The following TTC3 variants were observed in gnomAD, a reference collection of about 807,000 sequenced individuals.
TTC3 encodes tetratricopeptide repeat domain 3.
TTC3 carries 180 observed loss-of-function variants against 249.6 expected under a neutral mutation model. That is an observed-to-expected ratio of 0.72 (90% CI 0.64 to 0.82). TTC3 has a LOEUF of 0.82. Ranked by LOEUF, TTC3 falls within the 40% of genes least tolerant of loss-of-function variation. The pLI, the probability that TTC3 is intolerant of heterozygous loss-of-function variation, is 0.00. For synonymous variants in TTC3, 717 were observed against 805.0 expected (o/e 0.89, Z 1.85); for missense variants, 2,061 against 2,398.4 (o/e 0.86, Z 2.94).
intron 11 of TTC3, among the ~76,000 whole-genome samples, chr21:37,115,204 G>T (rs1038395842): frequency 5.0e-4 from 35 of 70,248 alleles, no homozygotes; most frequent in Middle Eastern, 0.014. Flanking sequence ...TAATAATAAA[G>T]AAACTATTTC....
At chr21:37,161,008 A>G in intron 30 of TTC3, 150 bp downstream of exon 30, 1 of 702,408 alleles carries the variant, frequency 1.4e-6, no homozygotes. Flanking sequence ...GCAGTCTTCT[A>G]CATTTTGAAG....
rs150636284 is a variant in TTC3 at position 37,156,668 on chromosome 21, A to G, written c.2754A>G (p.Thr918=). Residue 918 remains threonine (T), a synonymous_variant, in exon 28 of 46, where the codon ACA becomes ACG. Transcript: ENST00000355666. Reference sequence around the variant, plus strand: ...TTTTTATTACAGGCTTAGATGCCACAGGAACTTTCTTTTCTCGTTATGGAG... The same window carrying G: ...TTTTTATTACAGGCTTAGATGCCACGGGAACTTTCTTTTCTCGTTATGGAG... 598 of 1,611,818 alleles carry G rather than the reference A, an allele frequency of 3.7e-4. 3 individuals carry two copies. The African/African-American group carries it at 5.7e-3, about 15-fold the overall frequency.
intron 44 of TTC3, among the ~76,000 whole-genome samples, chr21:37,199,822 C>T (rs1191022932): frequency 2.0e-5 from 3 of 152,060 alleles, no homozygotes; most frequent in East Asian, 1.9e-4. Flanking sequence ...TATGGGCTTC[C>T]GTCATGATTT....
At chr21:37,192,600 A>C (rs1243033862) in intron 41 of TTC3, among the ~76,000 whole-genome samples, 1 of 151,574 alleles carries the variant, frequency 6.6e-6, no homozygotes, top group South Asian at 2.1e-4. Context: ...TTGTGATTCA[A>C]GCAGGCCGCT....
chr21:37,117,059 A>G (rs200267109), intron 11 of TTC3, among the ~76,000 whole-genome samples: 3 of 130,752 alleles, frequency 2.3e-5, no homozygotes, highest in Admixed American at 7.7e-5. Context: ...TGAACTTTAT[A>G]TTATAAATAT....
intron 1 of TTC3, chr21:37,082,805 C>A: frequency 1.0e-6 from 1 of 975,508 alleles, no homozygotes; most frequent in South Asian, 4.7e-5. Flanking sequence ...GGATCAGAAG[C>A]TCTTTATTTT....
chr21:37,095,449 G>C lies in TTC3; in HGVS notation c.782+5G>C, dbSNP rs2073838967. The C allele has an allele frequency of 1.3e-6, 2 of 1,550,634 alleles. No homozygotes were observed. Among genetic ancestry groups the C allele is most frequent in the Admixed American group, 1.9e-5 (1 of 52,360 alleles). Reference sequence around the variant, plus strand: ...CACCAGAGCCATTGAATATAGGTAAGAGCAAATAGAACAAAAGAGATGCTT... The same window carrying C: ...CACCAGAGCCATTGAATATAGGTAACAGCAAATAGAACAAAAGAGATGCTT... On this transcript the variant is annotated splice_donor_5th_base_variant and intron_variant, in intron 9 of 45. Transcript: ENST00000355666.
chr21:37,154,485 A>C (rs1372465135), intron 27 of TTC3, among the ~76,000 whole-genome samples: 1 of 152,204 alleles, frequency 6.6e-6, no homozygotes, highest in Non-Finnish European at 1.5e-5. Flanking sequence ...GTCACTAGTG[A>C]GTATCAAGTA....
At chr21:37,141,849 T>G (rs2078496216) in intron 20 of TTC3, among the ~76,000 whole-genome samples, 1 of 152,194 alleles carries the variant, frequency 6.6e-6, no homozygotes, top group Non-Finnish European at 1.5e-5. Context: ...GCAAAAATCC[T>G]TAATAAAATA....
intron 13 of TTC3, 23 bp from the exon 14 acceptor site, chr21:37,124,596 A>T (rs2076910746): frequency 1.2e-6 from 2 of 1,603,142 alleles, no homozygotes; most frequent in African/African-American, 1.3e-5. Context: ...AATGTATAAT[A>T]ATTCCTTTTT....
At chr21:37,157,906 TC>T (rs1455871573) in intron 28 of TTC3, among the ~76,000 whole-genome samples, 2 of 152,198 alleles carry the variant, frequency 1.3e-5, no homozygotes, top group African/African-American at 2.4e-5. Flanking sequence ...ATTATGATAA[TC>T]CCCAAGTCCC....
At chr21:37,099,288 A>C (rs2074246310) in intron 10 of TTC3, among the ~76,000 whole-genome samples, 1 of 152,240 alleles carries the variant, frequency 6.6e-6, no homozygotes, top group African/African-American at 2.4e-5. Flanking sequence ...TGTTCTGAGC[A>C]TTTAATGTGT....
intron 34 of TTC3, among the ~76,000 whole-genome samples, chr21:37,169,832 T>C (rs1162449326): frequency 6.7e-6 from 1 of 149,280 alleles, no homozygotes; most frequent in Non-Finnish European, 1.5e-5. Context: ...CGGGCGACAG[T>C]GCGAGACTCT....
At chr21:37,076,851 A>G (rs755142406) in intron 1 of TTC3, among the ~76,000 whole-genome samples, 1 of 151,670 alleles carries the variant, frequency 6.6e-6, no homozygotes, top group African/African-American at 2.4e-5. Flanking sequence ...ACAGGCGCGC[A>G]CCACCACACC....
chr21:37,132,829 A>ATTAGAACCTT, intron 17 of TTC3, 63 bp downstream of exon 17: 2 of 1,307,090 alleles, frequency 1.5e-6, no homozygotes, highest in Non-Finnish European at 2.1e-6. Context: ...TGTTCACATG[A>ATTAGAACCTT]ATAAGGTTCT....
intron 31 of TTC3, among the ~76,000 whole-genome samples, chr21:37,163,539 G>A (rs1310699716): frequency 3.9e-5 from 6 of 151,982 alleles, no homozygotes; most frequent in African/African-American, 1.4e-4. Context: ...TATTAGGGAC[G>A]GGGTTTTTCC....
intron 10 of TTC3, among the ~76,000 whole-genome samples, chr21:37,104,634 A>G (rs2074895759): frequency 6.6e-6 from 1 of 151,664 alleles, no homozygotes; most frequent in South Asian, 2.1e-4. Context: ...TGAAGCATCC[A>G]AATTCCAATG....
In TTC3 at chr21:37,159,709, T is replaced by C. The variant is rs1327536635; in HGVS notation, c.3003T>C (p.Cys1001=). 7 of 1,613,714 alleles carry C rather than the reference T, an allele frequency of 4.3e-6. No homozygotes were observed. The African/African-American group carries it at 5.3e-5, about 12-fold the overall frequency. Reference sequence around the variant, plus strand: ...TGTATATTCCTACAGACAGCCGCTGTACTGTGTTAAGGAAACAAGATAGTG... The same window carrying C: ...TGTATATTCCTACAGACAGCCGCTGCACTGTGTTAAGGAAACAAGATAGTG... Residue 1001 remains cysteine (C), a synonymous_variant, in exon 29 of 46, where the codon TGT becomes TGC. Transcript: ENST00000355666.
intron 36 of TTC3, 152 bp downstream of exon 36, chr21:37,183,065 T>C (rs1470584733): frequency 7.9e-6 from 6 of 761,400 alleles, no homozygotes; most frequent in Non-Finnish European, 1.2e-5. Context: ...TAAAAAAGTA[T>C]TCATTGAGTA....
Sources: allele counts gnomAD v4.1 joint callset (sites outside exome capture counted in the v4.1 genomes callset), GRCh38; gene constraint gnomAD v4.1.1; transcripts MANE v1.5; gene names NCBI Gene and HGNC (gene_info 2026-07-23, HGNC 2026-07-21).